MGRN1: variants seen among roughly 807,000 people sequenced by gnomAD.
The protein encoded by MGRN1 is E3 ubiquitin-protein ligase MGRN1.
In MGRN1, 29 loss-of-function variants were observed where a neutral mutation model predicts 69.2. That is an observed-to-expected ratio of 0.42 (90% CI 0.31 to 0.57). MGRN1 has a LOEUF of 0.57. Among genes scored for constraint, MGRN1 ranks in the 20% least tolerant of loss-of-function variants. The pLI is 0.15. For synonymous variants in MGRN1, 470 were observed against 344.2 expected, an observed-to-expected ratio of 1.37 and a Z score of -4.04; for missense variants, 998 against 796.2, an observed-to-expected ratio of 1.25 and a Z score of -3.05.
chr16:4,677,495 C>G lies in MGRN1; in HGVS notation c.988C>G (p.Arg330Gly). Reference sequence around the variant, plus strand: ...GGCCCTCCTGCAGATCCGGGCGGTGCGGAAGAAGCCAGGAGCCCTGTCCCC... The same window carrying G: ...GGCCCTCCTGCAGATCCGGGCGGTGGGGAAGAAGCCAGGAGCCCTGTCCCC... Reference protein sequence around the residue: ...FRALLQIRAVRKKPGALSPVS... With the variant: ...FRALLQIRAVGKKPGALSPVS... Residue 330 changes from arginine to glycine, a missense_variant, in exon 11 of 17, where the codon CGG (arginine) becomes GGG (glycine). Physicochemically the swap from Arg to Gly is moderately radical, Grantham distance 125. Coordinates refer to ENST00000262370, the MANE Select transcript of MGRN1 (RefSeq NM_015246.4). 6.3e-7 allele frequency: 1 copy of G among 1,589,614 alleles called. No homozygotes were observed. Among genetic ancestry groups the G allele is most frequent in the Non-Finnish European group, 8.5e-7 (1 of 1,173,832 alleles).
At chr16:4,639,607 C>T (rs1048981667) in intron 1 of MGRN1, among the ~76,000 whole-genome samples, 5 of 152,180 alleles carry the variant, frequency 3.3e-5, no homozygotes, top group Admixed American at 1.3e-4. Context: ...CAGCGTCTGC[C>T]CCCTCGGTGC....
intron 1 of MGRN1, among the ~76,000 whole-genome samples, chr16:4,630,621 G>A (rs1402863780): frequency 6.6e-6 from 1 of 151,552 alleles, no homozygotes; most frequent in Non-Finnish European, 1.5e-5. Flanking sequence ...CTAATTTTTG[G>A]ATTTTTTAGT....
At chr16:4,686,274 CCTG>C (rs2079316719) in intron 16 of MGRN1, 1 of 1,544,852 alleles carries the variant, frequency 6.5e-7, no homozygotes, top group Non-Finnish European at 8.7e-7. Context: ...GGGCCCGACT[CCTG>C]CTCTGTTGGT....
intron 9 of MGRN1, chr16:4,672,434 T>A: frequency 2.2e-6 from 1 of 456,754 alleles, no homozygotes; most frequent in South Asian, 1.5e-5. Context: ...CGCTTCATTA[T>A]GGCATCTGGG....
chr16:4,670,314 C>T (rs1215463527), intron 8 of MGRN1, among the ~76,000 whole-genome samples: 1 of 152,236 alleles, frequency 6.6e-6, no homozygotes, highest in Non-Finnish European at 1.5e-5. Context: ...ATGATCCCAG[C>T]TTACTGTAGC....
rs115806121 is a variant in MGRN1 at position 4,631,552 on chromosome 16, C to T, written c.88+6504C>T. ...CAGTCCCCCACAATTAAGAATAAATCGGCCCAGAATATCCATAGTGCTTAG... is the reference window on the plus strand; with the variant it reads ...CAGTCCCCCACAATTAAGAATAAATTGGCCCAGAATATCCATAGTGCTTAG... On this transcript the variant is annotated intron_variant, in intron 1 of 16. Transcript: ENST00000262370. Among the ~76,000 whole-genome samples, 51 of 152,326 alleles carry T rather than the reference C, an allele frequency of 3.3e-4. 1 individual carries two copies. Among genetic ancestry groups the T allele is most frequent in the African/African-American group, 1.1e-3 (47 of 41,576 alleles).
intron 7 of MGRN1, among the ~76,000 whole-genome samples, chr16:4,666,138 C>CT (rs1567213242): frequency 6.6e-6 from 1 of 151,214 alleles, no homozygotes; most frequent in South Asian, 2.1e-4. Flanking sequence ...CATCTCTTTT[C>CT]TTTTTTTTAA....
chr16:4,677,505 C>T lies in MGRN1; in HGVS notation c.998C>T (p.Pro333Leu), dbSNP rs771979496. 6.3e-7 allele frequency: 1 copy of T among 1,594,290 alleles called. No homozygotes were observed. Among genetic ancestry groups the T allele is most frequent in the Non-Finnish European group, 8.5e-7 (1 of 1,176,224 alleles). Residue 333 changes from proline to leucine, a missense_variant, in exon 11 of 17, where the codon CCA (proline) becomes CTA (leucine). By Grantham distance (98) the Pro-to-Leu change is moderately conservative (BLOSUM62 -3). Coordinates refer to ENST00000262370, the MANE Select transcript of MGRN1 (RefSeq NM_015246.4). Reference sequence around the variant, plus strand: ...CAGATCCGGGCGGTGCGGAAGAAGCCAGGAGCCCTGTCCCCCGTGTCCTTC... The same window carrying T: ...CAGATCCGGGCGGTGCGGAAGAAGCTAGGAGCCCTGTCCCCCGTGTCCTTC... ...LLQIRAVRKK[P>L]GALSPVSFSP...
chr16:4,668,157 T>C (rs2078847684), intron 7 of MGRN1, 108 bp from the exon 8 acceptor site: 1 of 700,160 alleles, frequency 1.4e-6, no homozygotes, highest in Non-Finnish European at 2.4e-6. Context: ...TTTTTCCAGC[T>C]GTGGGCATGG....
intron 4 of MGRN1, among the ~76,000 whole-genome samples, chr16:4,656,866 C>T (rs573681133): frequency 2.6e-5 from 4 of 151,090 alleles, no homozygotes; most frequent in African/African-American, 4.9e-5. Context: ...GGCGACAGAG[C>T]GAGACTCTTA....
intron 5 of MGRN1, among the ~76,000 whole-genome samples, chr16:4,660,977 C>G (rs1041764666): frequency 1.3e-5 from 2 of 152,146 alleles, no homozygotes; most frequent in African/African-American, 4.8e-5. Context: ...TCCCTGCAGC[C>G]TTTTATTTTT....
rs763387198 is a variant in MGRN1 at position 4,683,915 on chromosome 16, C to G, written c.1601C>G (p.Ala534Gly). Residue 534 changes from alanine to glycine, a missense_variant, in exon 16 of 17, where the codon GCT becomes GGT. Ala to Gly is a moderately conservative substitution (Grantham distance 60). Coordinates refer to ENST00000262370, the MANE Select transcript of MGRN1 (RefSeq NM_015246.4). ...GAGCACTGTGGCCGAGGCCCACCTG[C>G]TGACATCTACCTGCCAGGTAAGGGG... ...SPEHCGRGPPADIYLPGRPTS... is the reference protein window; with the variant it reads ...SPEHCGRGPPGDIYLPGRPTS... 1 of 1,608,080 alleles carries G rather than the reference C, an allele frequency of 6.2e-7. No homozygotes were observed. Among genetic ancestry groups the G allele is most frequent in the South Asian group, 1.1e-5 (1 of 90,558 alleles).
chr16:4,657,496 G>A, intron 5 of MGRN1, 133 bp downstream of exon 5: 1 of 861,186 alleles, frequency 1.2e-6, no homozygotes. Context: ...GGCCGCCCCA[G>A]TCTGTGCTCA....
intron 5 of MGRN1, chr16:4,658,871 C>A (rs2078613539): frequency 6.6e-6 from 1 of 152,160 alleles, no homozygotes; most frequent in Non-Finnish European, 1.5e-5. Flanking sequence ...GTGGTATTTG[C>A]CTGTAGTCCC....
chr16:4,652,567 G>A (rs1183328131), intron 3 of MGRN1, 111 bp from the exon 4 acceptor site: 34 of 1,354,240 alleles, frequency 2.5e-5, no homozygotes, highest in East Asian at 2.3e-4. Context: ...CTGGAGAAGC[G>A]GGCTGTGTCC....
intron 2 of MGRN1, chr16:4,650,962 A>G (rs2078393501): frequency 6.6e-6 from 1 of 152,110 alleles, no homozygotes. Flanking sequence ...AAGAAAAATT[A>G]GCCGGGTGTG....
intron 1 of MGRN1, among the ~76,000 whole-genome samples, chr16:4,629,023 C>G (rs1255650829): frequency 6.6e-6 from 1 of 151,590 alleles, no homozygotes; most frequent in Non-Finnish European, 1.5e-5. Flanking sequence ...TTTTAGTAGA[C>G]ACGGGGTTTC....
chr16:4,685,186 T>G (rs183359844), intron 16 of MGRN1, among the ~76,000 whole-genome samples: 155 of 152,358 alleles, frequency 1.0e-3, no homozygotes, highest in African/African-American at 3.5e-3. Flanking sequence ...TCTCAAATAT[T>G]TCATTCTGAT....
intron 4 of MGRN1, 58 bp from the exon 5 acceptor site, chr16:4,657,188 G>A (rs1052626061): frequency 3.2e-5 from 49 of 1,508,260 alleles, no homozygotes; most frequent in South Asian, 5.6e-5. Context: ...TGGGAGGGAC[G>A]GGCACGGAGG....
Sources: gnomAD v4.1 joint callset for allele counts (sites outside exome capture counted in the v4.1 genomes callset) on GRCh38, gnomAD v4.1.1 for gene constraint, MANE v1.5 for transcripts, NCBI Gene and HGNC (gene_info 2026-07-23, HGNC 2026-07-21) for gene names.